Variants in PDE4D observed in about 807,000 individuals in gnomAD.
PDE4D encodes the protein phosphodiesterase 4D, also known as 3',5'-cyclic-AMP phosphodiesterase 4D.
Under a neutral mutation model 87.4 loss-of-function variants are expected in PDE4D, and 24 were observed. That is an observed-to-expected ratio of 0.27 (90% CI 0.20 to 0.39). The LOEUF (loss-of-function observed/expected upper bound fraction) is 0.39. Ranked by LOEUF, PDE4D falls within the 10% of genes least tolerant of loss-of-function variation. The probability of loss-of-function intolerance (pLI) is 1.00; values close to 1 mark genes in which losing one functional copy is unlikely to be tolerated. For missense variants in PDE4D, 714 were observed against 1,041.0 expected (o/e 0.69, Z 4.32); for synonymous variants, 384 against 383.2 (o/e 1.00, Z -0.02).
At chr5:60,000,549 C>G (rs1010370154) in intron 2 of PDE4D, among the ~76,000 whole-genome samples, 1 of 152,228 alleles carries the variant, frequency 6.6e-6, no homozygotes, top group African/African-American at 2.4e-5. Flanking sequence ...TAGCACTAGA[C>G]TTGACTTACA....
chr5:60,322,087 A>G (rs915445777), intron 1 of PDE4D, among the ~76,000 whole-genome samples: 5 of 152,174 alleles, frequency 3.3e-5, no homozygotes, highest in African/African-American at 9.7e-5. Context: ...TAATTCTACC[A>G]TAAAGACACA....
chr5:59,988,780 A>T, intron 2 of PDE4D: 1 of 864,760 alleles, frequency 1.2e-6, no homozygotes, highest in Non-Finnish European at 1.8e-6. Context: ...ATCATTACAT[A>T]ATGGCTTAAT....
intron 1 of PDE4D, among the ~76,000 whole-genome samples, chr5:60,355,401 C>T (rs1759536239): frequency 6.6e-6 from 1 of 152,192 alleles, no homozygotes; most frequent in African/African-American, 2.4e-5. Context: ...CCTACAGTCT[C>T]CTGGCAGAGG....
upstream of PDE4D, among the ~76,000 whole-genome samples, chr5:59,895,448 G>C (rs142980284): frequency 6.6e-6 from 1 of 152,178 alleles, no homozygotes; most frequent in Non-Finnish European, 1.5e-5. Flanking sequence ...AATCTCCTAA[G>C]CACCACTCTC....
At chr5:59,935,331 A>G (rs1254810325) in intron 3 of PDE4D, among the ~76,000 whole-genome samples, 4 of 152,136 alleles carry the variant, frequency 2.6e-5, no homozygotes, top group African/African-American at 9.7e-5. Context: ...AGACAGTAAA[A>G]GTCAGAAAAC....
chr5:60,218,539 G>A (rs898820595), intron 1 of PDE4D, among the ~76,000 whole-genome samples: 2 of 151,914 alleles, frequency 1.3e-5, no homozygotes, highest in African/African-American at 4.8e-5. Flanking sequence ...TTTTAAAAAT[G>A]CCACACAGAT....
chr5:60,089,450 A>G (rs1425204034), intron 2 of PDE4D, among the ~76,000 whole-genome samples: 1 of 152,086 alleles, frequency 6.6e-6, no homozygotes, highest in Non-Finnish European at 1.5e-5. Flanking sequence ...CAAATTGGTC[A>G]ATGAATAAAT....
At chr5:59,988,428 CA>C in intron 3 of PDE4D, 1 of 1,126,082 alleles carries the variant, frequency 8.9e-7, no homozygotes, top group South Asian at 1.6e-5. Flanking sequence ...CTCAAAAGAC[CA>C]CAGACAACAA....
intron 2 of PDE4D, among the ~76,000 whole-genome samples, chr5:59,200,107 G>GCA (rs554877837): frequency 7.1e-6 from 1 of 141,030 alleles, no homozygotes; most frequent in Non-Finnish European, 1.5e-5. Context: ...ATACATGTAT[G>GCA]CACACACATA....
chr5:59,558,459 C>T (rs1049184100), intron 1 of PDE4D: 14 of 151,530 alleles, frequency 9.2e-5, no homozygotes, highest in African/African-American at 3.4e-4. Flanking sequence ...TATAAATGTG[C>T]TGAGAAAAAA....
At chr5:60,468,665 A>C (rs1167417907) in intron 1 of PDE4D, among the ~76,000 whole-genome samples, 2 of 151,886 alleles carry the variant, frequency 1.3e-5, no homozygotes, top group Non-Finnish European at 2.9e-5. Flanking sequence ...TGGAAGTATA[A>C]ACATGTGCCA....
intron 1 of PDE4D, among the ~76,000 whole-genome samples, chr5:59,273,760 T>C (rs1764294085): frequency 1.3e-5 from 2 of 152,140 alleles, no homozygotes; most frequent in Non-Finnish European, 2.9e-5. Flanking sequence ...GCATTTTAAA[T>C]TGTGGCTTGA....
intron 5 of PDE4D, among the ~76,000 whole-genome samples, chr5:59,042,931 C>T (rs1158056293): frequency 2.0e-5 from 3 of 152,196 alleles, no homozygotes; most frequent in African/African-American, 7.2e-5. Flanking sequence ...GTAATCACCT[C>T]AGAGCCACAG....
At chr5:59,087,750 C>T (rs1413068254) in intron 5 of PDE4D, among the ~76,000 whole-genome samples, 1 of 152,118 alleles carries the variant, frequency 6.6e-6, no homozygotes, top group African/African-American at 2.4e-5. Flanking sequence ...CAATCTGTAA[C>T]CTGTTTGAGG....
Position 60,271,544 on chromosome 5 carries a change from C to G in PDE4D, c.-89-85857G>C, listed in dbSNP as rs112829264. On this transcript the variant is annotated intron_variant, in intron 1 of 16. Transcript: ENST00000502484. ...AAGTGAGAGGAAAATTGACTGGTTACATGAGAGCCAGTGAGGTGTAATCCC... is the reference window on the plus strand; with the variant it reads ...AAGTGAGAGGAAAATTGACTGGTTAGATGAGAGCCAGTGAGGTGTAATCCC... Among the ~76,000 whole-genome samples the G allele has an allele frequency of 1.4e-3, 217 of 152,284 alleles. 3 individuals are homozygous for G. Among genetic ancestry groups the G allele is most frequent in the African/African-American group, 5.1e-3 (210 of 41,540 alleles).
intron 5 of PDE4D, among the ~76,000 whole-genome samples, chr5:59,128,605 G>C (rs771130605): frequency 2.0e-5 from 3 of 152,210 alleles, no homozygotes; most frequent in South Asian, 2.1e-4. Flanking sequence ...TTAGAGTCAA[G>C]GTCATTTCGC....
intron 1 of PDE4D, among the ~76,000 whole-genome samples, chr5:60,500,474 C>T (rs1483076579): frequency 6.6e-6 from 1 of 152,126 alleles, no homozygotes. Context: ...AAAACTGACT[C>T]AGTGCTAAAT....
At chr5:59,504,337 A>G (rs940400627) in intron 1 of PDE4D, among the ~76,000 whole-genome samples, 21 of 152,202 alleles carry the variant, frequency 1.4e-4, no homozygotes, top group African/African-American at 4.8e-4. Flanking sequence ...AAGAAATTCA[A>G]TATTATTTTG....
intron 1 of PDE4D, among the ~76,000 whole-genome samples, chr5:59,500,628 C>T (rs2153664155): frequency 6.6e-6 from 1 of 151,752 alleles, no homozygotes; most frequent in South Asian, 2.1e-4. Flanking sequence ...GGGAGGTGAG[C>T]AAGTGTTGAA....
Sources: allele counts gnomAD v4.1 joint callset (sites outside exome capture counted in the v4.1 genomes callset), GRCh38; gene constraint gnomAD v4.1.1; transcripts MANE v1.5; gene names NCBI Gene and HGNC (gene_info 2026-07-23, HGNC 2026-07-21).